The following GABRP variants were observed in gnomAD, a reference collection of about 807,000 sequenced individuals.
GABRP encodes the protein gamma-aminobutyric acid type A receptor subunit pi.
GABRP carries 52 observed loss-of-function variants against 47.8 expected under a neutral mutation model. That is an observed-to-expected ratio of 1.09 (90% confidence interval 0.87 to 1.37). The LOEUF is 1.37. Among genes scored for constraint, GABRP ranks in the 40% most tolerant of loss-of-function variants. The pLI, the probability that GABRP is intolerant of heterozygous loss-of-function variation, is 0.00. For missense variants in GABRP, 525 were observed against 542.8 expected, an observed-to-expected ratio of 0.97 and a Z score of 0.33; for synonymous variants, 221 against 205.8, an observed-to-expected ratio of 1.07 and a Z score of -0.63.
chr5:170,785,567 G>T (rs1765107884), intron 1 of GABRP, among the ~76,000 whole-genome samples: 1 of 152,192 alleles, frequency 6.6e-6, no homozygotes, highest in Non-Finnish European at 1.5e-5. Context: ...TCTAGCCTGG[G>T]TGAAGCTTCT....
At chr5:170,804,554 G>T (rs1232539869) in intron 6 of GABRP, among the ~76,000 whole-genome samples, 4 of 152,106 alleles carry the variant, frequency 2.6e-5, no homozygotes, top group African/African-American at 4.8e-5. Flanking sequence ...GCCATCTAAT[G>T]GGTGTGAGGC....
chr5:170,784,692 A>T (rs1765083725), intron 1 of GABRP, among the ~76,000 whole-genome samples: 1 of 152,226 alleles, frequency 6.6e-6, no homozygotes, highest in Admixed American at 6.5e-5. Flanking sequence ...CCCATGGAAG[A>T]CACGGAAGGC....
Position 170,810,122 on chromosome 5 carries a change from G to T in GABRP, c.1020+367G>T, listed in dbSNP as rs1765843759. The T allele has an allele frequency of 8.1e-6, 4 of 494,688 alleles. No homozygotes were observed. In the East Asian group the frequency reaches 9.5e-5, roughly 12 times the overall value. 30.6% of individuals were successfully genotyped at this position (494,688 alleles called of 1,614,324 possible). A position where few individuals can be genotyped will look rare whatever the true frequency, so the allele number is the denominator to read the frequency against. ...ATATTTACTATTTAATTCTTTTGTT[G>T]CATTATTTTGTCCTTAAATTATACA... On this transcript the variant is annotated intron_variant, in intron 9 of 9. Transcript: ENST00000265294.
Position 170,784,023 on chromosome 5 carries a change from A to T in GABRP, c.-43+149A>T, listed in dbSNP as rs531922718. The T allele has an allele frequency of 3.7e-3, 572 of 152,550 alleles. 2 individuals are homozygous for T. Among genetic ancestry groups the T allele is most frequent in the Non-Finnish European group, 5.1e-3 (345 of 68,184 alleles). The allele number at this position is 152,550 out of a possible 1,614,324, so 9.4% of individuals were successfully genotyped here. A position where few individuals can be genotyped will look rare whatever the true frequency, so the allele number is the denominator to read the frequency against. ...CAGGGAGCGCCACTGCAGGACGAGC[A>T]GCAGAGCCAAGATTAGAGCCCCTGC... On this transcript the variant is annotated intron_variant, in intron 1 of 9. Transcript: ENST00000265294.
intron 4 of GABRP, 140 bp from the exon 5 acceptor site, chr5:170,795,068 A>G: frequency 2.9e-6 from 2 of 687,510 alleles, no homozygotes; most frequent in Admixed American, 4.2e-5. Flanking sequence ...TAGAATGGTA[A>G]CTTTATTCAC....
chr5:170,811,111 C>A (rs1581610256), intron 9 of GABRP, among the ~76,000 whole-genome samples: 1 of 150,102 alleles, frequency 6.7e-6, no homozygotes, highest in African/African-American at 2.5e-5. Flanking sequence ...GTTCATCCAA[C>A]AACACAATGA....
At chr5:170,804,218 GAGAT>G (rs1235968238) in intron 6 of GABRP, among the ~76,000 whole-genome samples, 1 of 148,224 alleles carries the variant, frequency 6.7e-6, no homozygotes, top group Non-Finnish European at 1.5e-5. Flanking sequence ...ATATTCATGT[GAGAT>G]AGATGAGATA....
At chr5:170,799,106 G>T (rs963489484) in intron 6 of GABRP, among the ~76,000 whole-genome samples, 8 of 152,188 alleles carry the variant, frequency 5.3e-5, no homozygotes, top group Non-Finnish European at 1.2e-4. Flanking sequence ...CAAAGGACAT[G>T]AACTCATCAT....
intron 9 of GABRP, among the ~76,000 whole-genome samples, chr5:170,811,495 C>T (rs1765881956): frequency 6.6e-6 from 1 of 152,104 alleles, no homozygotes; most frequent in Non-Finnish European, 1.5e-5. Context: ...TTGAAGTCAT[C>T]AAACACCTAC....
In GABRP at chr5:170,810,030, C is replaced by T. The variant is rs750190555; in HGVS notation, c.1020+275C>T. 5.4e-5 allele frequency: 38 copies of T among 697,316 alleles called. 1 individual carries two copies. Among genetic ancestry groups the T allele is most frequent in the South Asian group, 5.0e-4 (33 of 66,200 alleles). 43.2% of individuals were successfully genotyped at this position (697,316 alleles called of 1,614,324 possible). A position where few individuals can be genotyped will look rare whatever the true frequency, so the allele number is the denominator to read the frequency against. Reference sequence around the variant, plus strand: ...CAGCATAAAATCACAACCACAGGAGCAAGCATCCATGAAGAATCCAATATG... The same window carrying T: ...CAGCATAAAATCACAACCACAGGAGTAAGCATCCATGAAGAATCCAATATG... On this transcript the variant is annotated intron_variant, in intron 9 of 9. Transcript: ENST00000265294.
rs1765951633 is a variant in GABRP at position 170,813,716 on chromosome 5, A to C, written c.*1458A>C. On this transcript the variant is annotated 3_prime_UTR_variant, in exon 10 of 10. Coordinates refer to ENST00000265294, the MANE Select transcript of GABRP (RefSeq NM_014211.3). ...CACGGCTTTACCTTTCCTGTCAGAA[A>C]TAAACCAAGGCTCTAAAAGATGATT... is the stretch of plus-strand genomic sequence containing the variant. 6.6e-6 allele frequency: 1 copy of C among 152,198 alleles called. No individual in the cohort carries two copies. Among genetic ancestry groups the C allele is most frequent in the African/African-American group, 2.4e-5 (1 of 41,454 alleles). The allele number at this position is 152,198 out of a possible 1,614,324, so 9.4% of individuals were successfully genotyped here.
intron 5 of GABRP, among the ~76,000 whole-genome samples, chr5:170,796,230 C>G (rs1239410681): frequency 6.6e-6 from 1 of 152,182 alleles, no homozygotes; most frequent in Non-Finnish European, 1.5e-5. Flanking sequence ...CTGGACATGC[C>G]TCAACTGTAC....
intron 9 of GABRP, among the ~76,000 whole-genome samples, chr5:170,811,384 C>A (rs1411368252): frequency 6.6e-6 from 1 of 151,658 alleles, no homozygotes; most frequent in African/African-American, 2.4e-5. Flanking sequence ...CTTGCAATGG[C>A]AGGGAGCATC....
chr5:170,798,867 T>C (rs1366223051), intron 6 of GABRP, among the ~76,000 whole-genome samples: 2 of 152,156 alleles, frequency 1.3e-5, no homozygotes, highest in East Asian at 1.9e-4. Flanking sequence ...TACATATGTA[T>C]ACATGTGCCG....
chr5:170,811,886 T>C, intron 9 of GABRP, 70 bp from the exon 10 acceptor site: 1 of 1,395,276 alleles, frequency 7.2e-7, no homozygotes, highest in South Asian at 1.3e-5. Context: ...AACTTTTTAT[T>C]AGCTCATTAC....
chr5:170,796,359 A>T (rs1765426481), intron 5 of GABRP, among the ~76,000 whole-genome samples: 1 of 152,194 alleles, frequency 6.6e-6, no homozygotes, highest in Non-Finnish European at 1.5e-5. Flanking sequence ...TTCCCACAGC[A>T]ATGTGTGAAT....
intron 7 of GABRP, among the ~76,000 whole-genome samples, chr5:170,807,772 T>C (rs1234000910): frequency 6.6e-6 from 1 of 152,206 alleles, no homozygotes; most frequent in African/African-American, 2.4e-5. Flanking sequence ...TGTCTGTTGT[T>C]TTTTTAATGG....
At chr5:170,788,183 C>T (rs1465299123) in intron 1 of GABRP, 1 of 154,686 alleles carries the variant, frequency 6.5e-6, no homozygotes, top group Non-Finnish European at 1.4e-5. Context: ...CCCATCTCTA[C>T]CAAAAATACA....
At chr5:170,784,294 A>C (rs1480412734) in intron 1 of GABRP, among the ~76,000 whole-genome samples, 1 of 151,946 alleles carries the variant, frequency 6.6e-6, no homozygotes, top group Non-Finnish European at 1.5e-5. Flanking sequence ...TGGAGGTGAC[A>C]AGTTGGGGTT....
Sources: gnomAD v4.1 joint callset for allele counts (sites outside exome capture counted in the v4.1 genomes callset) on GRCh38, gnomAD v4.1.1 for gene constraint, MANE v1.5 for transcripts, NCBI Gene and HGNC (gene_info 2026-07-23, HGNC 2026-07-21) for gene names.